The following SFMBT1 variants were observed in gnomAD, a reference collection of about 807,000 sequenced individuals.
The protein encoded by SFMBT1 is scm-like with four MBT domains protein 1.
In SFMBT1, 32 loss-of-function variants were observed where a neutral mutation model predicts 108.7. That is an observed-to-expected ratio of 0.29 (90% CI 0.22 to 0.40). The LOEUF (loss-of-function observed/expected upper bound fraction) is 0.40, where lower values mean the gene tolerates loss of function less well. Ranked by LOEUF, SFMBT1 falls within the 10% of genes least tolerant of loss-of-function variation. The pLI is 1.00. For synonymous variants in SFMBT1, 348 were observed against 369.5 expected, an observed-to-expected ratio of 0.94 and a Z score of 0.67; for missense variants, 816 against 1,059.6, an observed-to-expected ratio of 0.77 and a Z score of 3.19.
chr3:52,952,085 A>G (rs1376451327), intron 3 of SFMBT1, among the ~76,000 whole-genome samples: 1 of 152,236 alleles, frequency 6.6e-6, no homozygotes, highest in Non-Finnish European at 1.5e-5. Flanking sequence ...CTCGCTGTGC[A>G]TGGTGGCTCA....
chr3:52,974,466 T>A (rs1415251644), intron 1 of SFMBT1, among the ~76,000 whole-genome samples: 2 of 152,228 alleles, frequency 1.3e-5, no homozygotes, highest in Non-Finnish European at 2.9e-5. Context: ...CAACTGTAAC[T>A]ACATGTTTTA....
chr3:52,970,863 G>A (rs902572749), intron 1 of SFMBT1, among the ~76,000 whole-genome samples: 5 of 152,304 alleles, frequency 3.3e-5, no homozygotes, highest in East Asian at 1.9e-4. Context: ...GGCCAGGTGC[G>A]TGGCTCATGC....
chr3:52,932,143 G>T lies in SFMBT1; in HGVS notation c.619C>A (p.His207Asn). 1 of 1,614,124 alleles carries T rather than the reference G, an allele frequency of 6.2e-7. No homozygotes were observed. Among genetic ancestry groups the T allele is most frequent in the East Asian group, 2.2e-5 (1 of 44,870 alleles). The change falls in exon 6 of 21, where the codon CAT becomes AAT. Residue 207 changes from histidine to asparagine, a missense_variant. Physicochemically the swap from His to Asn is moderately conservative, Grantham distance 68 (BLOSUM62 1). This residue lies in a region of SFMBT1 where 495 missense variants were observed against 607.4 expected (regional missense o/e 0.81). Coordinates refer to ENST00000394752, the MANE Select transcript of SFMBT1 (RefSeq NM_016329.4). ...EGLESSDNYE[H>N]WLYYLDPFLH... Reference sequence around the variant, plus strand: ...AATGGATCCAAGTAATACAACCAATGTTCATAATTGTCAGAACTTTCAAGT... The same window carrying T: ...AATGGATCCAAGTAATACAACCAATTTTCATAATTGTCAGAACTTTCAAGT...
intron 1 of SFMBT1, among the ~76,000 whole-genome samples, chr3:53,027,047 T>C (rs1289391524): frequency 6.6e-6 from 1 of 152,150 alleles, no homozygotes; most frequent in Non-Finnish European, 1.5e-5. Flanking sequence ...CCTCCCAAAG[T>C]GCTAGGATTA....
intron 1 of SFMBT1, among the ~76,000 whole-genome samples, chr3:52,986,134 C>T (rs535941446): frequency 3.1e-5 from 4 of 131,026 alleles, no homozygotes; most frequent in Non-Finnish European, 6.4e-5. Flanking sequence ...CAGAGTGAGA[C>T]TCCGTCTCAG....
intron 1 of SFMBT1, chr3:53,043,202 T>G (rs1330512907): frequency 1.3e-5 from 2 of 152,046 alleles, no homozygotes; most frequent in African/African-American, 4.8e-5. Flanking sequence ...GTGAAGGAAA[T>G]GCAAATTGTT....
intron 1 of SFMBT1, among the ~76,000 whole-genome samples, chr3:52,988,197 T>C: frequency 6.6e-6 from 1 of 152,246 alleles, no homozygotes; most frequent in East Asian, 1.9e-4. Flanking sequence ...TTTGCTGCTT[T>C]GTATTGTTAC....
At chr3:52,976,860 G>A (rs553076853) in intron 1 of SFMBT1, among the ~76,000 whole-genome samples, 2 of 152,212 alleles carry the variant, frequency 1.3e-5, no homozygotes, top group South Asian at 2.1e-4. Context: ...AACCTCAACA[G>A]CTAAAATTTT....
intron 1 of SFMBT1, among the ~76,000 whole-genome samples, chr3:52,996,789 G>C (rs1021714593): frequency 6.6e-6 from 1 of 150,392 alleles, no homozygotes; most frequent in Non-Finnish European, 1.5e-5. Flanking sequence ...CTAAACACAG[G>C]CCGGGCACGG....
chr3:52,976,693 T>C (rs1477259640), intron 1 of SFMBT1, among the ~76,000 whole-genome samples: 1 of 152,138 alleles, frequency 6.6e-6, no homozygotes, highest in African/African-American at 2.4e-5. Context: ...GAAAAAAAAC[T>C]ATCTCCAGCG....
intron 1 of SFMBT1, among the ~76,000 whole-genome samples, chr3:52,996,928 G>C (rs1698354957): frequency 6.7e-6 from 1 of 149,628 alleles, no homozygotes; most frequent in African/African-American, 2.4e-5. Flanking sequence ...AATTAGCCGG[G>C]CGTAGTGGCG....
chr3:53,000,380 A>G (rs1025653467), intron 1 of SFMBT1, among the ~76,000 whole-genome samples: 1 of 149,788 alleles, frequency 6.7e-6, no homozygotes, highest in Non-Finnish European at 1.5e-5. Flanking sequence ...ATTTACCAAT[A>G]AAACAAACTG....
chr3:52,925,277 A>C (rs1319124982), intron 10 of SFMBT1, among the ~76,000 whole-genome samples: 11 of 152,220 alleles, frequency 7.2e-5, no homozygotes, highest in Admixed American at 7.2e-4. Flanking sequence ...TGCATATCAT[A>C]ATGTAAAAAC....
At chr3:52,938,069 T>G (rs1703070762) in intron 4 of SFMBT1, among the ~76,000 whole-genome samples, 1 of 152,200 alleles carries the variant, frequency 6.6e-6, no homozygotes. Context: ...TAGCTGCTTT[T>G]CTTACAAAGT....
chr3:52,969,838 A>G (rs1704276412), intron 1 of SFMBT1, among the ~76,000 whole-genome samples: 1 of 152,168 alleles, frequency 6.6e-6, no homozygotes, highest in Non-Finnish European at 1.5e-5. Context: ...GCGGTGGCTC[A>G]TGACTGTAAT....
intron 10 of SFMBT1, among the ~76,000 whole-genome samples, chr3:52,925,066 T>G (rs1407640469): frequency 6.6e-6 from 1 of 151,696 alleles, no homozygotes; most frequent in Non-Finnish European, 1.5e-5. Flanking sequence ...ACTATAAAAA[T>G]GAAAATTAGG....
chr3:52,945,067 G>GTGC (rs1329820261), intron 3 of SFMBT1, among the ~76,000 whole-genome samples: 1 of 144,776 alleles, frequency 6.9e-6, no homozygotes, highest in Non-Finnish European at 1.5e-5. Flanking sequence ...GCCTCCCAAA[G>GTGC]TGCTGAGATT....
At chr3:52,906,377 T>A (rs953794851) in intron 19 of SFMBT1, 136 bp from the exon 20 acceptor site, 1 of 1,305,872 alleles carries the variant, frequency 7.7e-7, no homozygotes, top group African/African-American at 1.5e-5. Flanking sequence ...CCAGCAAAGA[T>A]GGCAAAGACC....
chr3:52,911,577 A>T (rs1702214472), intron 16 of SFMBT1, among the ~76,000 whole-genome samples: 1 of 152,252 alleles, frequency 6.6e-6, no homozygotes, highest in African/African-American at 2.4e-5. Context: ...TCCATCCATG[A>T]CAAGATCAGA....
Sources: allele counts gnomAD v4.1 joint callset (sites outside exome capture counted in the v4.1 genomes callset), GRCh38; gene constraint gnomAD v4.1.1; regional missense constraint gnomAD v4.1.1; transcripts MANE v1.5; gene names NCBI Gene and HGNC (gene_info 2026-07-23, HGNC 2026-07-21).